The following ITGA8 variants were observed in gnomAD, a reference collection of about 807,000 sequenced individuals.
ITGA8 encodes integrin alpha-8.
ITGA8 carries 91 observed loss-of-function variants against 142.3 expected under a neutral mutation model. The ratio of observed to expected loss-of-function variants is 0.64; its 90% CI spans 0.54 to 0.76. The LOEUF is 0.76. Ranked by LOEUF, ITGA8 falls within the 30% of genes least tolerant of loss-of-function variation. ITGA8 has a pLI of 0.00. For missense variants in ITGA8, 1,406 were observed against 1,327.7 expected (o/e 1.06, Z -0.92); for synonymous variants, 505 against 485.2 (o/e 1.04, Z -0.54).
chr10:15,715,808 C>G (rs1166035948), intron 2 of ITGA8, among the ~76,000 whole-genome samples: 1 of 152,256 alleles, frequency 6.6e-6, no homozygotes, highest in Non-Finnish European at 1.5e-5. Context: ...GCCTTCTTCA[C>G]TTGCACAGCA....
chr10:15,668,509 G>T (rs36156177), intron 8 of ITGA8, among the ~76,000 whole-genome samples: 14,862 of 151,314 alleles, frequency 0.098, 932 homozygotes, highest in East Asian at 0.29. Context: ...GGAGCATTTA[G>T]CCCATTTACA....
intron 13 of ITGA8, among the ~76,000 whole-genome samples, chr10:15,629,790 G>A (rs1345244675): frequency 1.3e-5 from 2 of 151,952 alleles, no homozygotes; most frequent in Admixed American, 6.5e-5. Flanking sequence ...AGTTGGGTGT[G>A]CTGGCATGCA....
At chr10:15,617,334 G>T (rs368983238) in intron 13 of ITGA8, among the ~76,000 whole-genome samples, 1 of 151,906 alleles carries the variant, frequency 6.6e-6, no homozygotes, top group Non-Finnish European at 1.5e-5. Context: ...AGCAATCCTG[G>T]ACTAGGTAAG....
chr10:15,518,807 A>G lies in ITGA8; in HGVS notation c.3105+483T>C, dbSNP rs9333247. On this transcript the variant is annotated intron_variant, in intron 29 of 29. Coordinates refer to ENST00000378076, the MANE Select transcript of ITGA8 (RefSeq NM_003638.3). ...AGTCCAGGCATCCTATCACATGCATAATCTATTTGGCCTCATTAGTAGTTG... is the reference window on the plus strand; with the variant it reads ...AGTCCAGGCATCCTATCACATGCATGATCTATTTGGCCTCATTAGTAGTTG... 9.4e-3 allele frequency among the ~76,000 whole-genome samples: 1,425 copies of G among 152,338 alleles called. 19 individuals are homozygous for G. Among genetic ancestry groups the G allele is most frequent in the African/African-American group, 0.033 (1,377 of 41,572 alleles).
chr10:15,694,096 A>G (rs990275709), intron 2 of ITGA8, among the ~76,000 whole-genome samples: 1 of 146,358 alleles, frequency 6.8e-6, no homozygotes, highest in Non-Finnish European at 1.5e-5. Flanking sequence ...TATATTTATA[A>G]TATACCTATA....
At chr10:15,562,808 G>A (rs1834007789) in intron 25 of ITGA8, among the ~76,000 whole-genome samples, 1 of 152,154 alleles carries the variant, frequency 6.6e-6, no homozygotes, top group Non-Finnish European at 1.5e-5. Flanking sequence ...GCAGAGCCTG[G>A]CACAATGAGG....
chr10:15,532,430 A>AAAAAAAAAAG (rs767643744), intron 27 of ITGA8, among the ~76,000 whole-genome samples: 12,127 of 134,982 alleles, frequency 0.09, 985 homozygotes, highest in Non-Finnish European at 0.13. Context: ...AAAAAAAAAA[A>AAAAAAAAAAG]AAAAAAAAAA....
chr10:15,604,264 G>C lies in ITGA8; in HGVS notation c.2062C>G (p.Leu688Val). The change falls in exon 20 of 30, where the codon CTC becomes GTC. Residue 688 changes from leucine to valine, a missense_variant. Transcript: ENST00000378076. ...NEGEGAYEAE[L>V]FVMIPEEADY... The stretch of plus-strand genomic sequence containing the variant: ...GCCTCTTCTGGTATCATTACAAAGA[G>C]TTCAGCTTCATATGCTCCTTCCCCT... 6.2e-7 allele frequency: 1 copy of C among 1,613,508 alleles called. No homozygotes were observed. The highest frequency in any genetic ancestry group is 8.5e-7 in the Non-Finnish European group (1 of 1,179,652).
rs11575612 is a variant in ITGA8 at position 15,718,182 on chromosome 10, A to G, written c.343+584T>C. 7.3e-3 allele frequency among the ~76,000 whole-genome samples: 1,105 copies of G among 152,360 alleles called. 9 individuals are homozygous for G. The highest frequency in any genetic ancestry group is 0.025 in the African/African-American group (1,057 of 41,582). On this transcript the variant is annotated intron_variant, in intron 2 of 29. Coordinates refer to ENST00000378076, the MANE Select transcript of ITGA8 (RefSeq NM_003638.3). Reference sequence around the variant, plus strand: ...TTAAAATGTATTTTCCCTTTAATTAAATAAGAAACATCTGTCTAGGGATTT... The same window carrying G: ...TTAAAATGTATTTTCCCTTTAATTAGATAAGAAACATCTGTCTAGGGATTT...
chr10:15,641,835 A>C (rs1253472457), intron 13 of ITGA8, among the ~76,000 whole-genome samples: 15 of 152,212 alleles, frequency 9.9e-5, no homozygotes, highest in Admixed American at 9.8e-4. Context: ...AAAAGACATA[A>C]TTAAGAGGTA....
chr10:15,684,299 T>A (rs1471136499), intron 3 of ITGA8, among the ~76,000 whole-genome samples, 172 bp from the exon 4 acceptor site: 1 of 152,194 alleles, frequency 6.6e-6, no homozygotes, highest in Non-Finnish European at 1.5e-5. Context: ...CAAAACTAAT[T>A]TTTAATGTTA....
intron 15 of ITGA8, 98 bp downstream of exon 15, chr10:15,613,562 C>T (rs1833338846): frequency 1.2e-6 from 1 of 864,886 alleles, no homozygotes; most frequent in African/African-American, 1.7e-5. Flanking sequence ...AAATCTAGGC[C>T]CTACCCCAGA....
rs1355353855 is a variant in ITGA8, at chr10:15,694,134, TAGATAATATATCATATATC to T, written c.344-6115_344-6097del. Reference sequence around the variant, plus strand: ...TTATATATCATATATCTATATTATATAGATAATATATCATATATCAGATAATATATCATATATCAGATAA... The same window carrying T: ...TTATATATCATATATCTATATTATATAGATAATATATCATATATCAGATAA... On this transcript the variant is annotated intron_variant, in intron 2 of 29. Transcript: ENST00000378076. Among the ~76,000 whole-genome samples the T allele has an allele frequency of 2.6e-4, 37 of 143,432 alleles. 1 individual carries two copies. The highest frequency in any genetic ancestry group is 5.9e-4 in the East Asian group (3 of 5,088). 94.1% of individuals were successfully genotyped at this position (143,432 alleles called of 152,430 possible).
At position 15,597,119 on chromosome 10, in the gene ITGA8, T is replaced by C. The variant is rs527568334; in HGVS notation, c.2211+88A>G. On this transcript the variant is annotated intron_variant, in intron 21 of 29. Transcript: ENST00000378076. Reference sequence around the variant, plus strand: ...TTGTTGTTGCTGCTAGGTGCTGAGTTGCTGAGTGGTAACTGGAGAGCTTTC... The same window carrying C: ...TTGTTGTTGCTGCTAGGTGCTGAGTCGCTGAGTGGTAACTGGAGAGCTTTC... 67 of 997,614 alleles carry C rather than the reference T, an allele frequency of 6.7e-5. No homozygotes were observed. In the East Asian group the frequency reaches 1.3e-3, roughly 19 times the overall value. The allele number at this position is 997,614 out of a possible 1,614,324, so 61.8% of individuals were successfully genotyped here. A position where few individuals can be genotyped will look rare whatever the true frequency, so the allele number is the denominator to read the frequency against.
At chr10:15,672,850 CT>C in intron 6 of ITGA8, 101 bp from the exon 7 acceptor site, 1 of 1,304,590 alleles carries the variant, frequency 7.7e-7, no homozygotes, top group East Asian at 2.7e-5. Context: ...GAATTGCTTG[CT>C]TTTTTGATGA....
chr10:15,654,378 C>T (rs1834145700), intron 11 of ITGA8, among the ~76,000 whole-genome samples: 2 of 152,168 alleles, frequency 1.3e-5, no homozygotes, highest in African/African-American at 2.4e-5. Context: ...GATTTCTCTG[C>T]ACCTAGAACA....
chr10:15,603,571 G>A (rs1264007434), intron 20 of ITGA8, among the ~76,000 whole-genome samples: 2 of 152,200 alleles, frequency 1.3e-5, no homozygotes, highest in East Asian at 1.9e-4. Flanking sequence ...TGCAGAACTG[G>A]AGGATGCTTT....
intron 10 of ITGA8, among the ~76,000 whole-genome samples, chr10:15,656,522 C>A (rs1474349017): frequency 6.6e-6 from 1 of 151,942 alleles, no homozygotes; most frequent in Non-Finnish European, 1.5e-5. Context: ...TGCCACCATG[C>A]CCAGCTAATT....
chr10:15,572,822 T>TC (rs1834209814), intron 24 of ITGA8, among the ~76,000 whole-genome samples: 1 of 152,208 alleles, frequency 6.6e-6, no homozygotes, highest in South Asian at 2.1e-4. Flanking sequence ...TGGAAGAATG[T>TC]CCATCCATCA....
Sources: allele counts gnomAD v4.1 joint callset (sites outside exome capture counted in the v4.1 genomes callset), GRCh38; gene constraint gnomAD v4.1.1; transcripts MANE v1.5; gene names NCBI Gene and HGNC (gene_info 2026-07-23, HGNC 2026-07-21).